LYPD5: variants seen among roughly 807,000 people sequenced by gnomAD.
LYPD5 encodes ly6/PLAUR domain-containing protein 5.
LYPD5 carries 21 observed loss-of-function variants against 19.1 expected under a neutral mutation model. The observed-to-expected ratio is 1.10, with a 90% CI of 0.78 to 1.58. The LOEUF (loss-of-function observed/expected upper bound fraction) is 1.58, where lower values mean the gene tolerates loss of function less well. Among genes scored for constraint, LYPD5 ranks in the 40% most tolerant of loss-of-function variants. LYPD5 has a pLI of 0.00. For missense variants in LYPD5, 287 were observed against 329.8 expected, an observed-to-expected ratio of 0.87 and a Z score of 1.00; for synonymous variants, 128 against 142.7, an observed-to-expected ratio of 0.90 and a Z score of 0.74.
intron 1 of LYPD5, among the ~76,000 whole-genome samples, chr19:43,801,184 T>C (rs1243960904): frequency 1.3e-5 from 2 of 152,116 alleles, no homozygotes; most frequent in African/African-American, 4.8e-5. Flanking sequence ...GTTGTGCTAC[T>C]ACACCTTAGT....
chr19:43,802,504 C>G, upstream of LYPD5: 4 of 805,096 alleles, frequency 5.0e-6, no homozygotes, highest in East Asian at 5.4e-5. Flanking sequence ...CCCACCCTCC[C>G]TATGTGGGCG....
chr19:43,800,184 G>A (rs1393542970), intron 1 of LYPD5, among the ~76,000 whole-genome samples: 3 of 152,186 alleles, frequency 2.0e-5, no homozygotes, highest in African/African-American at 7.2e-5. Flanking sequence ...AAAGTGGACA[G>A]CACAGTAAGA....
intron 1 of LYPD5, among the ~76,000 whole-genome samples, chr19:43,818,363 C>A (rs1009618830): frequency 1.3e-5 from 2 of 152,134 alleles, no homozygotes; most frequent in Admixed American, 6.6e-5. Context: ...GGGAAGGAGA[C>A]AACACTTGTA....
chr19:43,805,412 A>T (rs1252620172), upstream of LYPD5, among the ~76,000 whole-genome samples: 1 of 152,182 alleles, frequency 6.6e-6, no homozygotes, highest in African/African-American at 2.4e-5. Context: ...TATTTCACAC[A>T]TTATCAGAAT....
At chr19:43,816,134 C>T (rs1970374205) in intron 1 of LYPD5, among the ~76,000 whole-genome samples, 1 of 152,050 alleles carries the variant, frequency 6.6e-6, no homozygotes, top group Non-Finnish European at 1.5e-5. Context: ...AAATTATGTG[C>T]CTGTTTATCA....
At chr19:43,814,152 C>T (rs903204991) in intron 1 of LYPD5, among the ~76,000 whole-genome samples, 2 of 152,200 alleles carry the variant, frequency 1.3e-5, no homozygotes, top group African/African-American at 4.8e-5. Flanking sequence ...TGGGCCATTT[C>T]CCAGGAGCCC....
chr19:43,802,920 C>T (rs76243374), upstream of LYPD5, among the ~76,000 whole-genome samples: 1,182 of 152,272 alleles, frequency 7.8e-3, 21 homozygotes, highest in African/African-American at 0.027. Flanking sequence ...TCTCCCCTAC[C>T]GGGCTGTGAA....
At chr19:43,818,966 G>A (rs1007029454) in intron 1 of LYPD5, among the ~76,000 whole-genome samples, 7 of 152,046 alleles carry the variant, frequency 4.6e-5, no homozygotes, top group African/African-American at 1.7e-4. Flanking sequence ...CATTTCATCT[G>A]TTTTCAAATT....
At chr19:43,798,410 C>G in intron 4 of LYPD5, 45 bp downstream of exon 4, 3 of 1,596,388 alleles carry the variant, frequency 1.9e-6, no homozygotes, top group Non-Finnish European at 1.7e-6. Context: ...GCTGCCCTGC[C>G]TCCATATCCC....
chr19:43,802,336 C>T lies in LYPD5; in HGVS notation c.45G>A (p.Gly15=). The part of the protein sequence containing the change: ...VPRVILLCLF[G]AALCLTGSQA... ...GCGTACCTGTCAGGCAGAGCGCAGC[C>T]CCAAAGAGGCAGAGCAGAATGACTC... The change falls in exon 1 of 5, where the codon GGG becomes GGA. Residue 15 remains glycine, a synonymous_variant. Coordinates refer to ENST00000377950, the MANE Select transcript of LYPD5 (RefSeq NM_001031749.3). 5 of 1,551,662 alleles carry T rather than the reference C, an allele frequency of 3.2e-6. No individual in the cohort carries two copies. Among genetic ancestry groups the T allele is most frequent in the Non-Finnish European group, 4.4e-6 (5 of 1,146,982 alleles).
At chr19:43,818,938 G>C (rs1970395675) in intron 1 of LYPD5, among the ~76,000 whole-genome samples, 2 of 152,040 alleles carry the variant, frequency 1.3e-5, no homozygotes, top group African/African-American at 2.4e-5. Flanking sequence ...TTAAGTTATA[G>C]CTTTCTAGGA....
chr19:43,811,457 G>A (rs1424203124), intron 1 of LYPD5, among the ~76,000 whole-genome samples: 1 of 152,160 alleles, frequency 6.6e-6, no homozygotes, highest in Non-Finnish European at 1.5e-5. Flanking sequence ...AGGCCAAGGC[G>A]GGCAGATCAC....
In LYPD5 at chr19:43,799,721, G is replaced by A. The variant is rs1970197191; in HGVS notation, c.178C>T (p.Leu60=). ...CGCTCCTTACCGGTGTCCAGAGACA[G>A]GATAGCCTCAAAGCACTCATGAGGA... The part of the protein sequence containing the change: ...SCPHECFEAI[L]SLDTGYRAPV... Residue 60 remains leucine (L), a synonymous_variant, in exon 2 of 5, where the codon CTG becomes TTG. Coordinates refer to ENST00000377950, the MANE Select transcript of LYPD5 (RefSeq NM_001031749.3). 6.2e-7 allele frequency: 1 copy of A among 1,613,572 alleles called. No homozygotes were observed. The highest frequency in any genetic ancestry group is 1.7e-5 in the Admixed American group (1 of 59,974).
At chr19:43,804,266 C>A (rs549604979), upstream of LYPD5, among the ~76,000 whole-genome samples, 1 of 152,158 alleles carries the variant, frequency 6.6e-6, no homozygotes, top group Non-Finnish European at 1.5e-5. Context: ...GCACCCCTAT[C>A]GCCCAGTCTC....
intron 1 of LYPD5, among the ~76,000 whole-genome samples, chr19:43,812,113 C>T (rs1970328696): frequency 6.6e-6 from 1 of 152,156 alleles, no homozygotes; most frequent in South Asian, 2.1e-4. Context: ...CTCCAAATGG[C>T]TAGCTTGAAC....
chr19:43,798,376 C>T, intron 4 of LYPD5, 79 bp downstream of exon 4: 1 of 1,543,624 alleles, frequency 6.5e-7, no homozygotes, highest in Non-Finnish European at 8.8e-7. Context: ...CCTGTTGGGC[C>T]TGTCTGGTAT....
At chr19:43,815,632 A>AG in intron 1 of LYPD5, 1 of 185,330 alleles carries the variant, frequency 5.4e-6, no homozygotes, top group Admixed American at 6.1e-5. Flanking sequence ...TTAAAAAAAG[A>AG]GAAAAAAAGA....
intron 1 of LYPD5, chr19:43,800,064 C>G (rs973762488): frequency 2.7e-6 from 1 of 376,146 alleles, no homozygotes; most frequent in African/African-American, 2.1e-5. Context: ...CTCCAGGACA[C>G]TCCAGGTCTC....
intron 1 of LYPD5, 174 bp from the exon 2 acceptor site, chr19:43,800,008 A>G (rs1326035762): frequency 2.8e-6 from 2 of 724,982 alleles, no homozygotes; most frequent in Middle Eastern, 4.3e-4. Context: ...TGTCTGTCTC[A>G]TGGCAGAGTA....
Sources: allele counts gnomAD v4.1 joint callset (sites outside exome capture counted in the v4.1 genomes callset), GRCh38; gene constraint gnomAD v4.1.1; transcripts MANE v1.5; gene names NCBI Gene and HGNC (gene_info 2026-07-23, HGNC 2026-07-21).